SPHKAP: variants seen among roughly 807,000 people sequenced by gnomAD.
The protein encoded by SPHKAP is SPHK1 interactor, AKAP domain containing, also known as A-kinase anchor protein SPHKAP.
Under a neutral mutation model 137.5 loss-of-function variants are expected in SPHKAP, and 67 were observed. The ratio of observed to expected loss-of-function variants is 0.49; its 90% CI spans 0.40 to 0.60. The LOEUF is 0.60. Among genes scored for constraint, SPHKAP ranks in the 20% least tolerant of loss-of-function variants. The probability of loss-of-function intolerance (pLI) is 0.00; values close to 1 mark genes in which losing one functional copy is unlikely to be tolerated. For synonymous variants in SPHKAP, 813 were observed against 785.3 expected, an observed-to-expected ratio of 1.04 and a Z score of -0.59; for missense variants, 2,097 against 2,069.3, an observed-to-expected ratio of 1.01 and a Z score of -0.26.
intron 7 of SPHKAP, among the ~76,000 whole-genome samples, chr2:228,003,585 A>G (rs1003881346): frequency 6.6e-6 from 1 of 152,214 alleles, no homozygotes; most frequent in Non-Finnish European, 1.5e-5. Flanking sequence ...CCTGTCCAGA[A>G]CTTCCAAAAC....
intron 2 of SPHKAP, among the ~76,000 whole-genome samples, chr2:228,127,232 A>G (rs1436710162): frequency 6.6e-6 from 1 of 152,210 alleles, no homozygotes; most frequent in East Asian, 1.9e-4. Context: ...ATGTGCATTT[A>G]ACACACAGAC....
At position 228,019,509 on chromosome 2, in the gene SPHKAP, T is replaced by G; in HGVS notation, c.1345A>C (p.Lys449Gln). The G allele has an allele frequency of 6.2e-7, 1 of 1,614,180 alleles. No homozygotes were observed. The highest frequency in any genetic ancestry group is 8.5e-7 in the Non-Finnish European group (1 of 1,180,028). The part of the protein sequence containing the change: ...VVSRSWNELP[K>Q]IVVVQSPDGS... ...TCTGGACTCTGAACAACGACGATTT[T>G]GGGGAGCTCATTCCATGACCGAGAA... The change falls in exon 7 of 12, where the codon AAA becomes CAA. Residue 449 changes from lysine to glutamine, a missense_variant. Physicochemically the swap from Lys to Gln is moderately conservative, Grantham distance 53 (BLOSUM62 1). Transcript: ENST00000392056.
chr2:228,013,982 CTATG>C (rs1429141529), intron 7 of SPHKAP, among the ~76,000 whole-genome samples: 1 of 152,138 alleles, frequency 6.6e-6, no homozygotes, highest in East Asian at 1.9e-4. Flanking sequence ...TTGGGCCATT[CTATG>C]TAATACAAAC....
intron 3 of SPHKAP, among the ~76,000 whole-genome samples, chr2:228,040,479 T>A (rs185828698): frequency 1.3e-5 from 2 of 152,332 alleles, no homozygotes. Flanking sequence ...TGAGAAAATG[T>A]TGCATTTATA....
At chr2:228,112,300 G>A (rs12620949) in intron 2 of SPHKAP, among the ~76,000 whole-genome samples, 52,085 of 151,690 alleles carry the variant, frequency 0.34, 9,148 homozygotes, top group East Asian at 0.5. Context: ...GAATATACTA[G>A]TTAATAATGT....
At chr2:228,041,785 G>A (rs1695860328) in intron 3 of SPHKAP, among the ~76,000 whole-genome samples, 1 of 152,022 alleles carries the variant, frequency 6.6e-6, no homozygotes, top group Non-Finnish European at 1.5e-5. Context: ...ATGAATCTAG[G>A]TGGTCATGTG....
intron 9 of SPHKAP, 56 bp from the exon 10 acceptor site, chr2:227,991,382 A>G: frequency 6.2e-7 from 1 of 1,612,830 alleles, no homozygotes; most frequent in South Asian, 1.1e-5. Flanking sequence ...TAAGCTGTAA[A>G]TGAAAGATGA....
chr2:228,085,673 A>G (rs1384520881), intron 3 of SPHKAP, among the ~76,000 whole-genome samples: 1 of 152,226 alleles, frequency 6.6e-6, no homozygotes, highest in Admixed American at 6.5e-5. Flanking sequence ...TTAAAGTTAA[A>G]CAATCAATAC....
At chr2:228,068,032 C>T (rs1229507780) in intron 3 of SPHKAP, among the ~76,000 whole-genome samples, 1 of 152,080 alleles carries the variant, frequency 6.6e-6, no homozygotes. Flanking sequence ...AGTAAAGTTG[C>T]AGGACACAAA....
At chr2:228,090,398 G>A (rs1301232510) in intron 3 of SPHKAP, among the ~76,000 whole-genome samples, 2 of 152,178 alleles carry the variant, frequency 1.3e-5, no homozygotes, top group African/African-American at 2.4e-5. Flanking sequence ...TGATTTTACA[G>A]GCTCATAGCT....
intron 3 of SPHKAP, among the ~76,000 whole-genome samples, chr2:228,100,450 G>T (rs182176940): frequency 1.3e-5 from 2 of 152,160 alleles, no homozygotes; most frequent in Admixed American, 6.5e-5. Context: ...TCCAGCTCTT[G>T]TTTTTTCAGT....
chr2:228,141,533 G>A (rs530364894), intron 1 of SPHKAP, among the ~76,000 whole-genome samples: 162 of 152,136 alleles, frequency 1.1e-3, no homozygotes, highest in African/African-American at 3.5e-3. Context: ...TATTATAGTG[G>A]CACTTTTCTT....
intron 11 of SPHKAP, among the ~76,000 whole-genome samples, chr2:227,988,515 C>T (rs763717762): frequency 3.3e-5 from 5 of 152,212 alleles, no homozygotes; most frequent in Admixed American, 1.3e-4. Flanking sequence ...GTTTGTGAGA[C>T]ACCTCTTACC....
At chr2:228,099,021 AG>A (rs1171368097) in intron 3 of SPHKAP, among the ~76,000 whole-genome samples, 7 of 152,052 alleles carry the variant, frequency 4.6e-5, no homozygotes, top group Non-Finnish European at 8.8e-5. Flanking sequence ...TCTGTGAAGA[AG>A]CTCTTTAGTT....
At chr2:228,069,065 A>G (rs1696921389) in intron 3 of SPHKAP, among the ~76,000 whole-genome samples, 1 of 152,128 alleles carries the variant, frequency 6.6e-6, no homozygotes, top group African/African-American at 2.4e-5. Flanking sequence ...TCAGGAGTTC[A>G]AGACCAGCCT....
At chr2:228,045,612 C>T (rs982252776) in intron 3 of SPHKAP, among the ~76,000 whole-genome samples, 5 of 151,438 alleles carry the variant, frequency 3.3e-5, no homozygotes, top group Non-Finnish European at 5.9e-5. Context: ...ATTGGGGGAG[C>T]GGGGAGGGAT....
At chr2:228,012,845 C>T (rs1694442094) in intron 7 of SPHKAP, among the ~76,000 whole-genome samples, 1 of 152,170 alleles carries the variant, frequency 6.6e-6, no homozygotes, top group Admixed American at 6.5e-5. Flanking sequence ...GTTGTTTATA[C>T]TTTGTGGTCT....
At chr2:228,092,432 TATATATGTGCCATATATATGTATAC>T (rs1559169250) in intron 3 of SPHKAP, among the ~76,000 whole-genome samples, 82 of 112,014 alleles carry the variant, frequency 7.3e-4, no homozygotes, top group Non-Finnish European at 9.8e-4. Flanking sequence ...TACATATATG[TATATATGTGCCATATATATGTATAC>T]ATATATGTGC....
chr2:228,133,847 C>T lies in SPHKAP; in HGVS notation c.33-1762G>A, dbSNP rs116052723. Among the ~76,000 whole-genome samples, 917 of 152,276 alleles carry T rather than the reference C, an allele frequency of 6.0e-3. 10 individuals are homozygous for T. The highest frequency in any genetic ancestry group is 0.019 in the African/African-American group (780 of 41,552). ...TGACATTTTAAAAAATGACCACTGA[C>T]TGTGCTGTGTAACAAATCATAGATT... On this transcript the variant is annotated intron_variant, in intron 1 of 11. Coordinates refer to ENST00000392056, the MANE Select transcript of SPHKAP (RefSeq NM_001142644.2).
Sources: allele counts gnomAD v4.1 joint callset (sites outside exome capture counted in the v4.1 genomes callset), GRCh38; gene constraint gnomAD v4.1.1; transcripts MANE v1.5; gene names NCBI Gene and HGNC (gene_info 2026-07-23, HGNC 2026-07-21).